The following ANXA8 variants were observed in gnomAD, a reference collection of about 807,000 sequenced individuals.
The protein encoded by ANXA8 is annexin A8, also known as VAC-beta.
A neutral mutation model predicts 26.8 loss-of-function variants in ANXA8; 9 were observed. That is an observed-to-expected ratio of 0.34 (90% CI 0.20 to 0.59). ANXA8 has a LOEUF of 0.59. Among genes scored for constraint, ANXA8 ranks in the 20% least tolerant of loss-of-function variants. The probability of loss-of-function intolerance (pLI) is 0.84; values close to 1 mark genes in which losing one functional copy is unlikely to be tolerated. For synonymous variants in ANXA8, 39 were observed against 94.8 expected (o/e 0.41, Z 3.42); for missense variants, 83 against 238.5 (o/e 0.35, Z 4.29).
At chr10:47,907,217 C>G in the ANXA8 span, among the ~76,000 whole-genome samples, 2 of 151,844 alleles carry the variant, frequency 1.3e-5, no homozygotes, top group Non-Finnish European at 2.9e-5. Flanking sequence ...ATTAGCCGGG[C>G]GTGGTGGCGG....
chr10:47,975,837 T>G, the ANXA8 span, among the ~76,000 whole-genome samples: 1 of 131,202 alleles, frequency 7.6e-6, no homozygotes, highest in Non-Finnish European at 1.7e-5. Flanking sequence ...CAGGCAGTCT[T>G]CAGTAAACAA....
chr10:47,679,542 G>C, the ANXA8 span, among the ~76,000 whole-genome samples: 3 of 152,026 alleles, frequency 2.0e-5, no homozygotes, highest in African/African-American at 4.8e-5. Context: ...TTGAACTCAC[G>C]AGGTCAAGGC....
chr10:47,986,751 C>T, the ANXA8 span: 1 of 350,432 alleles, frequency 2.9e-6, no homozygotes, highest in African/African-American at 2.3e-5. Flanking sequence ...GCGCCCGCCC[C>T]CGCGCGCCCG....
the ANXA8 span, chr10:47,567,906 T>C: frequency 4.4e-6 from 2 of 453,382 alleles, no homozygotes; most frequent in Non-Finnish European, 8.1e-6. Context: ...GTCATTTTAC[T>C]TTTTTAACCT....
At chr10:47,612,548 C>T in the ANXA8 span, among the ~76,000 whole-genome samples, 4 of 73,034 alleles carry the variant, frequency 5.5e-5, 2 homozygotes, top group African/African-American at 8.1e-5. Flanking sequence ...TTCATGGTTG[C>T]TATGGTTTGA....
At chr10:47,669,077 C>T in the ANXA8 span, among the ~76,000 whole-genome samples, 11 of 151,618 alleles carry the variant, frequency 7.3e-5, no homozygotes, top group African/African-American at 1.2e-4. Flanking sequence ...AAGCCTCCCC[C>T]GCACCAATGT....
the ANXA8 span, among the ~76,000 whole-genome samples, chr10:47,644,199 C>G: frequency 1.4e-5 from 2 of 146,644 alleles, no homozygotes; most frequent in African/African-American, 5.4e-5. Flanking sequence ...AAAAACTGCA[C>G]GTCCAGGATA....
the ANXA8 span, among the ~76,000 whole-genome samples, chr10:47,652,903 T>G: frequency 3.3e-5 from 5 of 151,100 alleles, no homozygotes; most frequent in Admixed American, 6.6e-5. Flanking sequence ...TATTTACACT[T>G]GATCTTAGCC....
the ANXA8 span, chr10:47,563,621 G>A: frequency 2.2e-6 from 2 of 888,968 alleles, no homozygotes; most frequent in African/African-American, 3.3e-5. Context: ...TTATAGCACT[G>A]ATGTGAGTGT....
chr10:47,747,872 T>C, the ANXA8 span, among the ~76,000 whole-genome samples: 1 of 151,930 alleles, frequency 6.6e-6, no homozygotes, highest in Non-Finnish European at 1.5e-5. Context: ...AACTTAAAAA[T>C]ACAATAATTG....
the ANXA8 span, among the ~76,000 whole-genome samples, chr10:47,895,103 A>G: frequency 2.0e-5 from 3 of 151,898 alleles, no homozygotes; most frequent in Admixed American, 2.0e-4. Flanking sequence ...GATATATCAC[A>G]TAAACACACA....
At chr10:47,970,093 G>A in the ANXA8 span, 2 of 151,596 alleles carry the variant, frequency 1.3e-5, no homozygotes, top group African/African-American at 4.8e-5. Flanking sequence ...TTAAAAGTGT[G>A]CAGTGGAGAG....
chr10:47,693,971 G>A, the ANXA8 span, among the ~76,000 whole-genome samples: 1 of 151,768 alleles, frequency 6.6e-6, no homozygotes, highest in Non-Finnish European at 1.5e-5. Context: ...TGTAAAAGAG[G>A]GCTGGATCCT....
At chr10:47,552,114 C>T in the ANXA8 span, among the ~76,000 whole-genome samples, 5 of 151,588 alleles carry the variant, frequency 3.3e-5, no homozygotes, top group African/African-American at 1.2e-4. Flanking sequence ...AATTTCATTT[C>T]TCTCTGTTAT....
chr10:47,882,290 A>ATT, the ANXA8 span, among the ~76,000 whole-genome samples: 1 of 29,000 alleles, frequency 3.4e-5, no homozygotes, highest in African/African-American at 1.2e-4. Flanking sequence ...AAAAAGGATA[A>ATT]TTTTTTTGTG....
chr10:47,644,391 C>G, the ANXA8 span, among the ~76,000 whole-genome samples: 1 of 151,902 alleles, frequency 6.6e-6, no homozygotes, highest in East Asian at 1.9e-4. Context: ...CATATAATCT[C>G]TATACAACTG....
At chr10:47,657,262 C>T in the ANXA8 span, among the ~76,000 whole-genome samples, 3 of 151,630 alleles carry the variant, frequency 2.0e-5, no homozygotes, top group Admixed American at 2.0e-4. Context: ...CAGGGTCTTG[C>T]TATGTTGTCC....
At chr10:47,475,312 GT>G (rs1410474129) in intron 6 of ANXA8, among the ~76,000 whole-genome samples, 180 bp downstream of exon 6, 14 of 151,742 alleles carry the variant, frequency 9.2e-5, no homozygotes, top group African/African-American at 3.4e-4. Flanking sequence ...GTAAGGACAG[GT>G]GTGGGGGCTC....
At chr10:47,592,931 G>A in the ANXA8 span, among the ~76,000 whole-genome samples, 1 of 139,746 alleles carries the variant, frequency 7.2e-6, no homozygotes, top group African/African-American at 3.0e-5. Context: ...TGTGGGAGCA[G>A]ATGGCTTGGG....
Sources: gnomAD v4.1 joint callset for allele counts (sites outside exome capture counted in the v4.1 genomes callset) on GRCh38, gnomAD v4.1.1 for gene constraint, MANE v1.5 for transcripts, NCBI Gene and HGNC (gene_info 2026-07-23, HGNC 2026-07-21) for gene names.